Variants in MEP1B observed in about 807,000 individuals in gnomAD.
MEP1B encodes the protein meprin A subunit beta, also known as N-benzoyl-L-tyrosyl-P-amino-benzoic acid hydrolase subunit beta.
A neutral mutation model predicts 84.6 loss-of-function variants in MEP1B; 80 were observed. The observed-to-expected ratio is 0.95, with a 90% CI of 0.79 to 1.14. The LOEUF is 1.14. Ranked by LOEUF, MEP1B falls within the 50% of genes most tolerant of loss-of-function variation. The pLI, the probability that MEP1B is intolerant of heterozygous loss-of-function variation, is 0.00. For synonymous variants in MEP1B, 273 were observed against 288.1 expected, an observed-to-expected ratio of 0.95 and a Z score of 0.53; for missense variants, 766 against 855.1, an observed-to-expected ratio of 0.90 and a Z score of 1.30.
chr18:32,204,224 A>G lies in MEP1B; in HGVS notation c.411A>G (p.Glu137=). ...GAAATAGGCGGGTTGGGAAGCAAGA[A>G]CTTTCCATCGGGGCAAACTGTGACC... ...SVGNRRVGKQ[E]LSIGANCDRI... The change falls in exon 7 of 15, where the codon GAA becomes GAG. Residue 137 remains glutamate (E), a synonymous_variant. Transcript: ENST00000269202. 1 of 1,606,514 alleles carries G rather than the reference A, an allele frequency of 6.2e-7. No individual in the cohort carries two copies. Among genetic ancestry groups the G allele is most frequent in the Non-Finnish European group, 8.5e-7 (1 of 1,176,716 alleles).
chr18:32,220,310 T>A lies in MEP1B; in HGVS notation c.*65T>A, dbSNP rs1568275698. 1.4e-6 allele frequency: 2 copies of A among 1,454,604 alleles called. No homozygotes were observed. Among genetic ancestry groups the A allele is most frequent in the African/African-American group, 2.8e-5 (2 of 71,782 alleles). 90.1% of individuals were successfully genotyped at this position (1,454,604 alleles called of 1,614,324 possible). On this transcript the variant is annotated 3_prime_UTR_variant, in exon 15 of 15. Coordinates refer to ENST00000269202, the MANE Select transcript of MEP1B (RefSeq NM_005925.3). ...AGGATTCTTCATCATGGATTTCGCC[T>A]AAGTGATATTACAGCCACCTCATTC...
Position 32,213,263 on chromosome 18 carries a change from CTCA to C in MEP1B, c.1288_1290del (p.His430del). Reference sequence around the variant, plus strand: ...ATCAATCTTTCGGAAACACGGTGCCCTCATCATATCTGGCATATAAGGAATTTC... The same window carrying C: ...ATCAATCTTTCGGAAACACGGTGCCCTCATATCTGGCATATAAGGAATTTC... On this transcript the variant is annotated inframe_deletion, in exon 11 of 15. Coordinates refer to ENST00000269202, the MANE Select transcript of MEP1B (RefSeq NM_005925.3). The C allele has an allele frequency of 1.2e-6, 2 of 1,613,952 alleles. No individual in the cohort carries two copies. The highest frequency in any genetic ancestry group is 1.7e-6 in the Non-Finnish European group (2 of 1,179,870).
Position 32,196,747 on chromosome 18 carries a change from G to A in MEP1B, c.250+1262G>A, listed in dbSNP as rs2040859757. On this transcript the variant is annotated intron_variant, in intron 5 of 14. Transcript: ENST00000269202. The surrounding 1 kb of genome is among the most constrained non-coding windows in gnomAD (Gnocchi z 4.4). ...GACAGCTGCCTGCTGGTGAAGCAGT[G>A]CAGGGCCAGGTGCATGTTTTCCTGG... is the stretch of plus-strand genomic sequence containing the variant. 2 of 647,820 alleles carry A rather than the reference G, an allele frequency of 3.1e-6. No individual in the cohort carries two copies. Among genetic ancestry groups the A allele is most frequent in the Non-Finnish European group, 5.6e-6 (2 of 355,436 alleles). The allele number at this position is 647,820 out of a possible 1,614,324, so 40.1% of individuals were successfully genotyped here.
chr18:32,192,631 T>C lies in MEP1B; in HGVS notation c.83-15T>C, dbSNP rs2040813351. ...CATAATGTTCAATTTTTTGTTGTTG[T>C]TGTTTTAATCAAAGATGTAGATGGC... is the stretch of plus-strand genomic sequence containing the variant. On this transcript the variant is annotated splice_polypyrimidine_tract_variant and intron_variant, in intron 2 of 14. Coordinates refer to ENST00000269202, the MANE Select transcript of MEP1B (RefSeq NM_005925.3). 1.2e-6 allele frequency: 2 copies of C among 1,611,070 alleles called. No homozygotes were observed. The highest frequency in any genetic ancestry group is 1.7e-6 in the Non-Finnish European group (2 of 1,177,686).
intron 11 of MEP1B, among the ~76,000 whole-genome samples, chr18:32,214,752 C>A (rs1488023616): frequency 6.6e-6 from 1 of 152,138 alleles, no homozygotes; most frequent in Non-Finnish European, 1.5e-5. Flanking sequence ...GAAGCCTATT[C>A]TAAATTATTC....
At chr18:32,200,706 C>T (rs2040903183) in intron 5 of MEP1B, among the ~76,000 whole-genome samples, 1 of 152,196 alleles carries the variant, frequency 6.6e-6, no homozygotes, top group Admixed American at 6.5e-5. Flanking sequence ...TGTTACCTGG[C>T]TGGTAGATGC....
At position 32,213,176 on chromosome 18, in the gene MEP1B, G is replaced by C; in HGVS notation, c.1196G>C (p.Arg399Thr). 6.2e-7 allele frequency: 1 copy of C among 1,614,008 alleles called. No homozygotes were observed. Among genetic ancestry groups the C allele is most frequent in the African/African-American group, 1.3e-5 (1 of 75,056 alleles). The stretch of plus-strand genomic sequence containing the variant: ...ACATTGAAAGTGACCAAGAAGTTTA[G>C]AGTGGTGTTTGAAGGACGCAAAGGC... ...HVTLKVTKKF[R>T]VVFEGRKGSG... Residue 399 changes from arginine (R) to threonine (T), a missense_variant, in exon 11 of 15, where the codon AGA becomes ACA. Arg to Thr is a moderately conservative substitution (Grantham distance 71, BLOSUM62 -1). Transcript: ENST00000269202.
At chr18:32,210,121 C>T (rs1452572895) in intron 9 of MEP1B, among the ~76,000 whole-genome samples, 1 of 152,192 alleles carries the variant, frequency 6.6e-6, no homozygotes, top group Non-Finnish European at 1.5e-5. Flanking sequence ...CATGTAGAAT[C>T]TACCTTTTAG....
rs779499285 is a variant in MEP1B, at chr18:32,196,656, C to T, written c.250+1171C>T. 3.1e-5 allele frequency: 21 copies of T among 677,814 alleles called. No individual in the cohort carries two copies. The highest frequency in any genetic ancestry group is 2.6e-4 in the Middle Eastern group (1 of 3,796). The allele number at this position is 677,814 out of a possible 1,614,324, so 42.0% of individuals were successfully genotyped here. On this transcript the variant is annotated intron_variant, in intron 5 of 14. Coordinates refer to ENST00000269202, the MANE Select transcript of MEP1B (RefSeq NM_005925.3). The surrounding 1 kb of genome is among the most constrained non-coding windows in gnomAD (Gnocchi z 4.4). ...CCTGATGTTGTCCAGCACGCCACCT[C>T]GGGGTGTCTTCCCCAAGCACCAGCG...
chr18:32,207,170 C>A (rs1228818427), intron 7 of MEP1B, 82 bp from the exon 8 acceptor site: 4 of 871,082 alleles, frequency 4.6e-6, no homozygotes, highest in Non-Finnish European at 7.2e-6. Flanking sequence ...ATTATATTCT[C>A]CATTTCTAAG....
intron 8 of MEP1B, among the ~76,000 whole-genome samples, chr18:32,207,754 G>A (rs1487321955): frequency 2.6e-5 from 4 of 152,174 alleles, no homozygotes; most frequent in Non-Finnish European, 4.4e-5. Flanking sequence ...CGGTCAGATT[G>A]ATACTCACAC....
chr18:32,204,835 G>A (rs920695912), intron 7 of MEP1B, among the ~76,000 whole-genome samples: 4 of 152,196 alleles, frequency 2.6e-5, no homozygotes, highest in African/African-American at 9.7e-5. Context: ...GGTCAAGGGA[G>A]AGTCAGAGAG....
rs2041052337 is a variant in MEP1B, at chr18:32,213,508, C to T, written c.1528C>T (p.Gln510Ter). 1 of 1,613,778 alleles carries T rather than the reference C, an allele frequency of 6.2e-7. No homozygotes were observed. Among genetic ancestry groups the T allele is most frequent in the Non-Finnish European group, 8.5e-7 (1 of 1,179,848 alleles). The change falls in exon 11 of 15, where the codon CAG (glutamine) becomes TAG (stop). Residue 510 changes from glutamine to a stop codon, truncating the protein, a stop_gained. Coordinates refer to ENST00000269202, the MANE Select transcript of MEP1B (RefSeq NM_005925.3). LOFTEE classifies it high-confidence loss of function. Reference sequence around the variant, plus strand: ...TTTGGATCAAAATCCTGACATTCGACAGCGTATGTCCAATCAGCGGAGTAT... The same window carrying T: ...TTTGGATCAAAATCCTGACATTCGATAGCGTATGTCCAATCAGCGGAGTAT... The part of the protein sequence containing the change: ...TLLDQNPDIR[Q>*]RMSNQRSITT...
At position 32,196,352 on chromosome 18, in the gene MEP1B, C is replaced by T. The variant is rs541474819; in HGVS notation, c.250+867C>T. The T allele has an allele frequency of 1.1e-4, 75 of 701,924 alleles. No individual in the cohort carries two copies. Among genetic ancestry groups the T allele is most frequent in the East Asian group, 6.2e-4 (23 of 36,924 alleles). The allele number at this position is 701,924 out of a possible 1,614,324, so 43.5% of individuals were successfully genotyped here. On this transcript the variant is annotated intron_variant, in intron 5 of 14. Transcript: ENST00000269202. The surrounding 1 kb of genome is among the most constrained non-coding windows in gnomAD (Gnocchi z 4.4). ...TCATGCATGGCGCGCCGCAGGGCCA[C>T]GGCCAGCTGGGTCAGGCACTTGAGG... is the stretch of plus-strand genomic sequence containing the variant.
At chr18:32,201,475 A>G (rs1260238833) in intron 5 of MEP1B, among the ~76,000 whole-genome samples, 2 of 152,168 alleles carry the variant, frequency 1.3e-5, no homozygotes, top group Admixed American at 1.3e-4. Flanking sequence ...CTGTGATCCA[A>G]TGTCCAATGG....
rs112703073 is a variant in MEP1B, at chr18:32,217,827, C to A, written c.1953C>A (p.Asp651Glu). 1.2e-6 allele frequency: 2 copies of A among 1,613,916 alleles called. No homozygotes were observed. The highest frequency in any genetic ancestry group is 1.7e-6 in the Non-Finnish European group (2 of 1,179,874). The change falls in exon 14 of 15, where the codon GAC (aspartate) becomes GAA (glutamate). Residue 651 changes from aspartate (D) to glutamate (E), a missense_variant. Asp to Glu is a conservative substitution (Grantham distance 45, BLOSUM62 2). Coordinates refer to ENST00000269202, the MANE Select transcript of MEP1B (RefSeq NM_005925.3). Reference protein sequence around the residue: ...ERCEKRGSTRDTIVIAVSSTV... With the variant: ...ERCEKRGSTRETIVIAVSSTV... ...GTGAAAAGAGAGGCTCCACCCGAGA[C>A]ACCATAGTCATTGCTGTTTCATCTA...
In MEP1B at chr18:32,213,175, A is replaced by G. The variant is rs749512355; in HGVS notation, c.1195A>G (p.Arg399Gly). ...AACATTGAAAGTGACCAAGAAGTTT[A>G]GAGTGGTGTTTGAAGGACGCAAAGG... ...HVTLKVTKKF[R>G]VVFEGRKGSG... The change falls in exon 11 of 15, where the codon AGA (arginine) becomes GGA (glycine). Residue 399 changes from arginine to glycine, a missense_variant. By Grantham distance (125) the Arg-to-Gly change is moderately radical. Transcript: ENST00000269202. The G allele has an allele frequency of 2.5e-6, 4 of 1,614,040 alleles. No individual in the cohort carries two copies. The East Asian group carries it at 8.9e-5, about 36-fold the overall frequency.
intron 10 of MEP1B, among the ~76,000 whole-genome samples, chr18:32,212,089 A>G (rs147333454): frequency 5.4e-5 from 8 of 148,608 alleles, no homozygotes; most frequent in African/African-American, 2.0e-4. Context: ...TAAGCCATAT[A>G]TGTTACTATA....
chr18:32,213,512 G>A lies in MEP1B; in HGVS notation c.1532G>A (p.Arg511His), dbSNP rs146716628. 2.1e-4 allele frequency: 332 copies of A among 1,613,866 alleles called. No individual in the cohort carries two copies. In the East Asian group the frequency reaches 4.9e-3, roughly 24 times the overall value. The change falls in exon 11 of 15, where the codon CGT becomes CAT. Residue 511 changes from arginine to histidine, a missense_variant. Arg to His is a conservative substitution (Grantham distance 29). Transcript: ENST00000269202. ...GATCAAAATCCTGACATTCGACAGC[G>A]TATGTCCAATCAGCGGAGTATAACT... ...LLDQNPDIRQ[R>H]MSNQRSITTD...
Sources: allele counts gnomAD v4.1 joint callset (sites outside exome capture counted in the v4.1 genomes callset), GRCh38; gene constraint gnomAD v4.1.1; non-coding constraint Gnocchi (gnomAD v3.1); transcripts MANE v1.5; gene names NCBI Gene and HGNC (gene_info 2026-07-23, HGNC 2026-07-21).